Variants in TUBGCP3 observed in about 807,000 individuals in gnomAD.
TUBGCP3 encodes tubulin gamma complex component 3.
In TUBGCP3, 50 loss-of-function variants were observed where a neutral mutation model predicts 123.1. That is an observed-to-expected ratio of 0.41 (90% CI 0.32 to 0.51). The LOEUF is 0.51. TUBGCP3 is among the 20% of genes least tolerant of loss of function. The pLI is 0.36. For missense variants in TUBGCP3, 882 were observed against 1,127.0 expected (o/e 0.78, Z 3.11); for synonymous variants, 405 against 413.9 (o/e 0.98, Z 0.26).
intron 11 of TUBGCP3, chr13:112,544,861 G>A (rs1452522867): frequency 6.6e-6 from 1 of 152,200 alleles, no homozygotes; most frequent in Admixed American, 6.6e-5. Flanking sequence ...CAATAAATTA[G>A]AAAACAAATT....
chr13:112,509,366 C>T (rs1474759124), intron 17 of TUBGCP3, among the ~76,000 whole-genome samples: 1 of 152,208 alleles, frequency 6.6e-6, no homozygotes, highest in Non-Finnish European at 1.5e-5. Flanking sequence ...ACAGGGAGCA[C>T]TAAGTGGGCC....
intron 20 of TUBGCP3, among the ~76,000 whole-genome samples, chr13:112,493,990 A>G (rs1433511914): frequency 7.2e-5 from 9 of 125,250 alleles, no homozygotes; most frequent in East Asian, 2.6e-4. Flanking sequence ...TGCCTGAGAC[A>G]CTCTAGCTTT....
chr13:112,547,703 A>C lies in TUBGCP3; in HGVS notation c.1085T>G (p.Leu362Ter). The change falls in exon 10 of 22, where the codon TTA becomes TGA. Residue 362 changes from leucine to a stop codon, truncating the protein, a stop_gained. Transcript: ENST00000261965. LOFTEE classifies it high-confidence loss of function. ...CCAAACCAGGAGGCGCCGAAGTGTT[A>C]AACTACTCTCAAGTCCCAAATTCAC... ...QGVNLGLESS[L>*]TLRRLLVWTY... 1 of 1,567,136 alleles carries C rather than the reference A, an allele frequency of 6.4e-7. No individual in the cohort carries two copies. Among genetic ancestry groups the C allele is most frequent in the South Asian group, 1.2e-5 (1 of 85,002 alleles).
At chr13:112,497,006 G>A (rs530416371) in intron 20 of TUBGCP3, among the ~76,000 whole-genome samples, 28 of 151,198 alleles carry the variant, frequency 1.9e-4, no homozygotes, top group African/African-American at 4.4e-4. Context: ...AAAAAAAATC[G>A]GAGTGATTTT....
chr13:112,553,447 G>A (rs1251637231), intron 8 of TUBGCP3, among the ~76,000 whole-genome samples: 2 of 152,256 alleles, frequency 1.3e-5, no homozygotes, highest in African/African-American at 2.4e-5. Context: ...ACCACATGCT[G>A]CTTAGCCACA....
In TUBGCP3 at chr13:112,519,991, C is replaced by T. The variant is rs7985218; in HGVS notation, c.1776G>A (p.Leu592=). The change falls in exon 15 of 22, where the codon TTG becomes TTA. Residue 592 remains leucine (L), a synonymous_variant. Transcript: ENST00000261965. The surrounding 1 kb of genome is among the most constrained non-coding windows in gnomAD (Gnocchi z 6.2). ...GAATTCCAGTCAAGTTATGCTGATACAAAGTCGTAGCTGGACGGACAAGTT... is the reference window on the plus strand; with the variant it reads ...GAATTCCAGTCAAGTTATGCTGATATAAAGTCGTAGCTGGACGGACAAGTT... ...KPELVRPATT[L]YQHNLTGILE... 4,969 of 1,613,934 alleles carry T rather than the reference C, an allele frequency of 3.1e-3. 131 individuals are homozygous for T. In the African/African-American group the frequency reaches 0.056, roughly 18 times the overall value.
At chr13:112,489,860 C>T in intron 20 of TUBGCP3, 163 bp from the exon 21 acceptor site, 1 of 593,366 alleles carries the variant, frequency 1.7e-6, no homozygotes, top group Non-Finnish European at 3.0e-6. Flanking sequence ...GACTGCTCTC[C>T]AGCTTACTTT....
intron 13 of TUBGCP3, among the ~76,000 whole-genome samples, chr13:112,525,390 T>G (rs1566551228): frequency 6.6e-6 from 1 of 152,212 alleles, no homozygotes; most frequent in Non-Finnish European, 1.5e-5. Context: ...CCCTGATCAC[T>G]TTCACCTTTA....
intron 1 of TUBGCP3, among the ~76,000 whole-genome samples, chr13:112,580,219 T>C (rs992360537): frequency 2.6e-5 from 4 of 152,168 alleles, no homozygotes; most frequent in Non-Finnish European, 2.9e-5. Context: ...GAGAATTTTT[T>C]TAAATGGGCT....
At chr13:112,557,543 A>G (rs1042221321) in intron 5 of TUBGCP3, among the ~76,000 whole-genome samples, 3 of 152,242 alleles carry the variant, frequency 2.0e-5, no homozygotes, top group African/African-American at 7.2e-5. Context: ...CAAAAAGCAA[A>G]GCCACCCGTT....
chr13:112,548,847 G>C (rs375759715), intron 8 of TUBGCP3, among the ~76,000 whole-genome samples: 1 of 152,196 alleles, frequency 6.6e-6, no homozygotes, highest in Non-Finnish European at 1.5e-5. Flanking sequence ...AGGTGCTGGA[G>C]AGGATGTGGA....
chr13:112,526,858 C>T, intron 13 of TUBGCP3, 84 bp downstream of exon 13: 1 of 991,304 alleles, frequency 1.0e-6, no homozygotes, highest in South Asian at 1.4e-5. Context: ...ATCAACATCA[C>T]TGTTACCATG....
chr13:112,529,964 AAG>A (rs1877446691), intron 11 of TUBGCP3, among the ~76,000 whole-genome samples: 1 of 152,260 alleles, frequency 6.6e-6, no homozygotes, highest in Admixed American at 6.5e-5. Flanking sequence ...CCCAAGAAGC[AAG>A]AGAGAGAAGA....
chr13:112,486,278 T>A (rs974531161), intron 21 of TUBGCP3, 127 bp from the exon 22 acceptor site: 80 of 1,171,262 alleles, frequency 6.8e-5, no homozygotes, highest in Non-Finnish European at 8.7e-5. Flanking sequence ...CCTTAGTAAA[T>A]GCCCACCAGG....
Position 112,558,343 on chromosome 13 carries a change from G to A in TUBGCP3, c.401C>T (p.Ala134Val), listed in dbSNP as rs1880226642. ...RDAHSTPYYY[A>V]RPQTLPLSYQ... ...GCTCAGGGGAAGGGTCTGAGGCCTG[G>A]CATAGTAGTAAGGGGTTGAGTGGGC... Residue 134 changes from alanine (A) to valine (V), a missense_variant, in exon 5 of 22, where the codon GCC (alanine) becomes GTC (valine). This residue lies in a region of TUBGCP3 where 713 missense variants were observed against 874.0 expected (regional missense o/e 0.82). Coordinates refer to ENST00000261965, the MANE Select transcript of TUBGCP3 (RefSeq NM_006322.6). 6.2e-7 allele frequency: 1 copy of A among 1,613,294 alleles called. No homozygotes were observed. Among genetic ancestry groups the A allele is most frequent in the African/African-American group, 1.3e-5 (1 of 74,922 alleles).
chr13:112,537,015 T>G (rs914919625), intron 11 of TUBGCP3, among the ~76,000 whole-genome samples: 2 of 152,028 alleles, frequency 1.3e-5, no homozygotes, highest in Non-Finnish European at 2.9e-5. Flanking sequence ...CCGCAAGCCG[T>G]GCTCCTGCCT....
At chr13:112,599,630 C>A in the TUBGCP3 span, among the ~76,000 whole-genome samples, 3 of 152,160 alleles carry the variant, frequency 2.0e-5, no homozygotes, top group African/African-American at 7.2e-5. Context: ...CCTCAGCCTC[C>A]TGAGTACCTG....
At chr13:112,527,237 A>G (rs1877208870) in intron 12 of TUBGCP3, 137 bp downstream of exon 12, 1 of 735,024 alleles carries the variant, frequency 1.4e-6, no homozygotes, top group Non-Finnish European at 2.2e-6. Context: ...TATTCAATTA[A>G]CATGCACTTA....
At chr13:112,589,860 T>C (rs1882844034), upstream of TUBGCP3, among the ~76,000 whole-genome samples, 1 of 152,180 alleles carries the variant, frequency 6.6e-6, no homozygotes, top group Admixed American at 6.5e-5. Flanking sequence ...TATGTAAAAT[T>C]AGCTCAATCT....
Sources: allele counts gnomAD v4.1 joint callset (sites outside exome capture counted in the v4.1 genomes callset), GRCh38; gene constraint gnomAD v4.1.1; regional missense constraint gnomAD v4.1.1; non-coding constraint Gnocchi (gnomAD v3.1); transcripts MANE v1.5; gene names NCBI Gene and HGNC (gene_info 2026-07-23, HGNC 2026-07-21).